Variants in SLC5A4 observed in about 807,000 individuals in gnomAD.
SLC5A4 encodes solute carrier family 5 member 4, also known as probable glucose sensor protein SLC5A4.
In SLC5A4, 55 loss-of-function variants were observed where a neutral mutation model predicts 70.3. That is an observed-to-expected ratio of 0.78 (90% confidence interval 0.63 to 0.98). The LOEUF (loss-of-function observed/expected upper bound fraction) is 0.98. Ranked by LOEUF, SLC5A4 falls within the 50% of genes least tolerant of loss-of-function variation. The pLI, the probability that SLC5A4 is intolerant of heterozygous loss-of-function variation, is 0.00. For synonymous variants in SLC5A4, 268 were observed against 305.7 expected (o/e 0.88, Z 1.29); for missense variants, 735 against 839.2 (o/e 0.88, Z 1.53).
intron 5 of SLC5A4, among the ~76,000 whole-genome samples, chr22:32,240,468 T>C (rs1926453402): frequency 6.6e-6 from 1 of 152,176 alleles, no homozygotes; most frequent in Non-Finnish European, 1.5e-5. Context: ...TGTGTATACA[T>C]ATATAAAACT....
At chr22:32,315,454 T>G in the SLC5A4 span, among the ~76,000 whole-genome samples, 1 of 151,890 alleles carries the variant, frequency 6.6e-6, no homozygotes, top group Admixed American at 6.6e-5. Flanking sequence ...CTAAAATAAC[T>G]TGATGGAAGG....
At chr22:32,308,217 C>T in the SLC5A4 span, among the ~76,000 whole-genome samples, 1 of 150,550 alleles carries the variant, frequency 6.6e-6, no homozygotes, top group Non-Finnish European at 1.5e-5. Flanking sequence ...CTTCTGAAGG[C>T]TCTTCCTGTT....
At chr22:32,261,962 A>G in the SLC5A4 span, among the ~76,000 whole-genome samples, 1 of 152,196 alleles carries the variant, frequency 6.6e-6, no homozygotes, top group East Asian at 1.9e-4. Context: ...CACTTGACAT[A>G]ATAATCTTCA....
At chr22:32,270,202 T>A in the SLC5A4 span, 1 of 665,734 alleles carries the variant, frequency 1.5e-6, no homozygotes, top group Non-Finnish European at 2.8e-6. Flanking sequence ...CTTTGAGGTG[T>A]GTGACAGCAT....
chr22:32,245,870 A>G (rs912141046), intron 5 of SLC5A4, among the ~76,000 whole-genome samples: 1 of 152,186 alleles, frequency 6.6e-6, no homozygotes, highest in African/African-American at 2.4e-5. Context: ...CCAGAGGACA[A>G]TTGGGAGACT....
At chr22:32,250,278 G>A (rs1421690117) in intron 3 of SLC5A4, among the ~76,000 whole-genome samples, 1 of 152,176 alleles carries the variant, frequency 6.6e-6, no homozygotes, top group Non-Finnish European at 1.5e-5. Flanking sequence ...AGCATTTTGG[G>A]AGGCTGAGGT....
At chr22:32,328,352 G>A in the SLC5A4 span, among the ~76,000 whole-genome samples, 7 of 152,242 alleles carry the variant, frequency 4.6e-5, no homozygotes, top group East Asian at 1.9e-4. Context: ...CAAGTGGCTC[G>A]CTTGTAACAA....
the SLC5A4 span, among the ~76,000 whole-genome samples, chr22:32,282,601 C>T: frequency 6.6e-6 from 1 of 152,208 alleles, no homozygotes; most frequent in Admixed American, 6.5e-5. Context: ...TCCAATGACT[C>T]CCATGTACGC....
chr22:32,307,212 G>A, the SLC5A4 span, among the ~76,000 whole-genome samples: 1 of 152,130 alleles, frequency 6.6e-6, no homozygotes, highest in African/African-American at 2.4e-5. Flanking sequence ...TCTGTTAAGG[G>A]CAAATCTGTC....
At chr22:32,290,246 C>T in the SLC5A4 span, among the ~76,000 whole-genome samples, 1 of 152,254 alleles carries the variant, frequency 6.6e-6, no homozygotes, top group East Asian at 1.9e-4. Context: ...CTCTCCCTCC[C>T]CTTGCCCCCA....
At chr22:32,332,092 A>C in the SLC5A4 span, among the ~76,000 whole-genome samples, 14 of 119,468 alleles carry the variant, frequency 1.2e-4, no homozygotes, top group Admixed American at 2.6e-4. Context: ...GCCCCTCCCC[A>C]CCACCACCCT....
chr22:32,316,087 T>G, the SLC5A4 span, among the ~76,000 whole-genome samples: 2 of 142,898 alleles, frequency 1.4e-5, no homozygotes, highest in African/African-American at 5.3e-5. Context: ...GAGAATCGCT[T>G]GAACCCAGGA....
the SLC5A4 span, among the ~76,000 whole-genome samples, chr22:32,354,353 A>T: frequency 7.3e-5 from 11 of 150,540 alleles, no homozygotes; most frequent in Non-Finnish European, 1.3e-4. Flanking sequence ...CCACCACAGC[A>T]CTGCAGCCCC....
the SLC5A4 span, among the ~76,000 whole-genome samples, chr22:32,335,863 G>A: frequency 6.6e-6 from 1 of 152,190 alleles, no homozygotes; most frequent in African/African-American, 2.4e-5. Context: ...TCTGGACGGT[G>A]CTTAGGAGGA....
At chr22:32,353,952 C>T in the SLC5A4 span, among the ~76,000 whole-genome samples, 3 of 151,194 alleles carry the variant, frequency 2.0e-5, no homozygotes, top group East Asian at 2.0e-4. Context: ...CCCAGGGAGA[C>T]GCCCCAACTC....
chr22:32,306,161 T>C, the SLC5A4 span, among the ~76,000 whole-genome samples: 1 of 152,134 alleles, frequency 6.6e-6, no homozygotes, highest in Non-Finnish European at 1.5e-5. Context: ...CTAGGGACAT[T>C]GTTATAAAAA....
chr22:32,310,580 C>CT, the SLC5A4 span, among the ~76,000 whole-genome samples: 1 of 152,188 alleles, frequency 6.6e-6, no homozygotes, highest in African/African-American at 2.4e-5. Context: ...TGAGACCCCC[C>CT]AGCACAGGTT....
At chr22:32,247,359 C>T (rs902436049) in intron 5 of SLC5A4, 52 bp downstream of exon 5, 2 of 1,053,054 alleles carry the variant, frequency 1.9e-6, no homozygotes, top group Admixed American at 3.4e-5. Flanking sequence ...AGCACTCTGG[C>T]CCCATCTGAC....
chr22:32,233,322 G>T (rs1333935183), intron 8 of SLC5A4, among the ~76,000 whole-genome samples: 3 of 152,158 alleles, frequency 2.0e-5, no homozygotes, highest in Non-Finnish European at 4.4e-5. Flanking sequence ...GCAGCAACAT[G>T]GATGGAACCG....
Sources: gnomAD v4.1 joint callset for allele counts (sites outside exome capture counted in the v4.1 genomes callset) on GRCh38, gnomAD v4.1.1 for gene constraint, MANE v1.5 for transcripts, NCBI Gene and HGNC (gene_info 2026-07-23, HGNC 2026-07-21) for gene names.